CFTR: variants seen among roughly 807,000 people sequenced by gnomAD.
CFTR encodes cystic fibrosis transmembrane conductance regulator.
Under a neutral mutation model 171.6 loss-of-function variants are expected in CFTR, and 181 were observed. The observed-to-expected ratio is 1.05, with a 90% confidence interval of 0.93 to 1.19. The LOEUF (loss-of-function observed/expected upper bound fraction) is 1.19, where lower values mean the gene tolerates loss of function less well. Among genes scored for constraint, CFTR ranks in the 50% most tolerant of loss-of-function variants. The pLI, the probability that CFTR is intolerant of heterozygous loss-of-function variation, is 0.00. For synonymous variants in CFTR, 583 were observed against 608.0 expected (o/e 0.96, Z 0.60); for missense variants, 1,968 against 1,734.7 (o/e 1.13, Z -2.39).
At chr7:117,603,937 A>G (rs956503929) in intron 17 of CFTR, among the ~76,000 whole-genome samples, 155 bp downstream of exon 17, 3 of 152,152 alleles carry the variant, frequency 2.0e-5, no homozygotes, top group Non-Finnish European at 4.4e-5. Context: ...CTCAGATATT[A>G]TAGGTTATCA....
At chr7:117,500,543 GCC>G (rs1798307937) in intron 1 of CFTR, among the ~76,000 whole-genome samples, 1 of 151,940 alleles carries the variant, frequency 6.6e-6, no homozygotes, top group African/African-American at 2.4e-5. Flanking sequence ...ACCCACCTCG[GCC>G]TCCCAAAGTG....
chr7:117,590,389 C>T lies in CFTR; in HGVS notation c.1716C>T (p.Asp572=), dbSNP rs748393295. The change falls in exon 13 of 27, where the codon GAC becomes GAT. Residue 572 remains aspartate (D), a synonymous_variant. Transcript: ENST00000003084. ...AAGATGCTGATTTGTATTTATTAGA[C>T]TCTCCTTTTGGATACCTAGATGTTT... is the stretch of plus-strand genomic sequence containing the variant. ...VYKDADLYLL[D]SPFGYLDVLT... is the part of the protein sequence containing the mutation. 1 of 1,603,314 alleles carries T rather than the reference C, an allele frequency of 6.2e-7. No homozygotes were observed.
At chr7:117,603,839 G>T (rs1792264944) in intron 17 of CFTR, 57 bp downstream of exon 17, 2 of 1,596,146 alleles carry the variant, frequency 1.3e-6, no homozygotes, top group East Asian at 4.5e-5. Flanking sequence ...AGGGCCTGTG[G>T]TTTTGTTGGT....
At chr7:117,482,831 A>G (rs1404848895) in intron 1 of CFTR, among the ~76,000 whole-genome samples, 1 of 152,210 alleles carries the variant, frequency 6.6e-6, no homozygotes, top group Non-Finnish European at 1.5e-5. Context: ...AAGAGTGTAT[A>G]TCAAACCGTG....
chr7:117,497,165 T>G (rs1158770319), intron 1 of CFTR, among the ~76,000 whole-genome samples: 1 of 152,180 alleles, frequency 6.6e-6, no homozygotes. Context: ...CTTGACAAAT[T>G]AACTAATTAA....
In CFTR at chr7:117,486,802, A is replaced by T. The variant is rs568267186; in HGVS notation, c.53+6655A>T. Among the ~76,000 whole-genome samples the T allele has an allele frequency of 2.7e-5, 4 of 147,110 alleles. No homozygotes were observed. The Admixed American group carries it at 2.8e-4, about 10-fold the overall frequency. On this transcript the variant is annotated intron_variant, in intron 1 of 26. Transcript: ENST00000003084. ...TGGCTTTTAAACAGGAGAGGGACAT[A>T]ATCAGTTCATATACTGTTGCAGTTT...
At position 117,627,372 on chromosome 7, in the gene CFTR, T is replaced by C. The variant is rs1792666058; in HGVS notation, c.3469-150T>C. 2.9e-5 allele frequency: 23 copies of C among 797,458 alleles called. No homozygotes were observed. The South Asian group carries it at 3.4e-4, about 12-fold the overall frequency. 49.4% of individuals were successfully genotyped at this position (797,458 alleles called of 1,614,324 possible). ...TTAAACTTTTAATTATATCCAATTA[T>C]TTCCTGTTAGTTCATTGAAAAGCCC... On this transcript the variant is annotated intron_variant, in intron 21 of 26. Transcript: ENST00000003084.
At position 117,602,002 on chromosome 7, in the gene CFTR, C is replaced by CAG. The variant is rs1351826175; in HGVS notation, c.2620-824_2620-823insAG. ...ATGTTTTAACCTGAATGTACCTTATCTTTATTCATAAACTGTGACTTTTTA... is the reference window on the plus strand; with the variant it reads ...ATGTTTTAACCTGAATGTACCTTATCAGTTTATTCATAAACTGTGACTTTTTA... On this transcript the variant is annotated intron_variant, in intron 15 of 26. Coordinates refer to ENST00000003084, the MANE Select transcript of CFTR (RefSeq NM_000492.4). Among the ~76,000 whole-genome samples, 5 of 152,214 alleles carry CAG rather than the reference C, an allele frequency of 3.3e-5. No individual in the cohort carries two copies. In the East Asian group the frequency reaches 9.7e-4, roughly 29 times the overall value.
chr7:117,498,901 T>A (rs1798279372), intron 1 of CFTR, among the ~76,000 whole-genome samples: 1 of 152,062 alleles, frequency 6.6e-6, no homozygotes. Flanking sequence ...TCAGAAATTT[T>A]CTAATGTATT....
intron 11 of CFTR, among the ~76,000 whole-genome samples, chr7:117,573,881 T>A (rs1454350493): frequency 6.6e-6 from 1 of 152,160 alleles, no homozygotes; most frequent in East Asian, 1.9e-4. Flanking sequence ...TTCCAATGAA[T>A]GATTTCCCAC....
rs1800088 is a variant in CFTR at position 117,542,063 on chromosome 7, G to A, written c.1164G>A (p.Thr388=). Residue 388 remains threonine, a synonymous_variant, in exon 9 of 27, where the codon ACG becomes ACA. Transcript: ENST00000003084. ...QEYKTLEYNL[T]TTEVVMENVT... is the part of the protein sequence containing the mutation. ...ATAAGACATTGGAATATAACTTAAC[G>A]ACTACAGAAGTAGTGATGGAGAATG... is the stretch of plus-strand genomic sequence containing the variant. 37 of 1,603,132 alleles carry A rather than the reference G, an allele frequency of 2.3e-5. No individual in the cohort carries two copies. Among genetic ancestry groups the A allele is most frequent in the Non-Finnish European group, 2.8e-5 (33 of 1,170,348 alleles).
At chr7:117,531,482 A>T (rs1470299373) in intron 4 of CFTR, among the ~76,000 whole-genome samples, 4 of 152,162 alleles carry the variant, frequency 2.6e-5, no homozygotes, top group Non-Finnish European at 5.9e-5. Context: ...ATGTTCAGCA[A>T]GAAGAGTATA....
At position 117,508,071 on chromosome 7, in the gene CFTR, G is replaced by A. The variant is rs35273275; in HGVS notation, c.165-963G>A. Among the ~76,000 whole-genome samples the A allele has an allele frequency of 5.4e-3, 828 of 152,244 alleles. 7 individuals are homozygous for A. The highest frequency in any genetic ancestry group is 0.019 in the African/African-American group (772 of 41,538). On this transcript the variant is annotated intron_variant, in intron 2 of 26. Coordinates refer to ENST00000003084, the MANE Select transcript of CFTR (RefSeq NM_000492.4). ...GATTAGTGGCGTGAGCCACTGCCCCGGCCTATTACTCCTTTAGAGTGATTT... is the reference window on the plus strand; with the variant it reads ...GATTAGTGGCGTGAGCCACTGCCCCAGCCTATTACTCCTTTAGAGTGATTT...
chr7:117,537,875 T>C (rs903823167), intron 7 of CFTR, among the ~76,000 whole-genome samples: 4 of 152,158 alleles, frequency 2.6e-5, no homozygotes, highest in African/African-American at 9.7e-5. Flanking sequence ...CCATCACACT[T>C]GCTCTCTGCA....
chr7:117,575,885 A>G (rs1268446312), intron 11 of CFTR, among the ~76,000 whole-genome samples: 4 of 152,126 alleles, frequency 2.6e-5, no homozygotes, highest in Admixed American at 6.6e-5. Context: ...ACCATTCTCT[A>G]GAGTGGGATC....
At chr7:117,590,269 A>T in intron 12 of CFTR, 84 bp from the exon 13 acceptor site, 1 of 1,501,706 alleles carries the variant, frequency 6.7e-7, no homozygotes, top group Non-Finnish European at 9.1e-7. Context: ...TAATGCATGT[A>T]GTGAACTGTT....
At chr7:117,492,950 C>T (rs1798184488) in intron 1 of CFTR, among the ~76,000 whole-genome samples, 2 of 151,766 alleles carry the variant, frequency 1.3e-5, no homozygotes, top group Admixed American at 1.3e-4. Flanking sequence ...GTGGTTGAAC[C>T]AAAGAATGCC....
intron 1 of CFTR, among the ~76,000 whole-genome samples, chr7:117,493,662 G>A (rs1328981406): frequency 6.6e-6 from 1 of 152,082 alleles, no homozygotes; most frequent in East Asian, 1.9e-4. Flanking sequence ...TAAATCTTGA[G>A]TCATACAATT....
chr7:117,498,551 T>A (rs1328760308), intron 1 of CFTR, among the ~76,000 whole-genome samples: 4 of 152,196 alleles, frequency 2.6e-5, no homozygotes, highest in Non-Finnish European at 5.9e-5. Context: ...TTTACTATGA[T>A]TCTTTGAGAA....
Sources: gnomAD v4.1 joint callset for allele counts (sites outside exome capture counted in the v4.1 genomes callset) on GRCh38, gnomAD v4.1.1 for gene constraint, MANE v1.5 for transcripts, NCBI Gene and HGNC (gene_info 2026-07-23, HGNC 2026-07-21) for gene names.